ZNF730: variants seen among roughly 807,000 people sequenced by gnomAD.
ZNF730 encodes the protein zinc finger protein 730, also known as putative zinc finger protein 730.
Under a neutral mutation model 12.6 loss-of-function variants are expected in ZNF730, and 12 were observed. The ratio of observed to expected loss-of-function variants is 0.95; its 90% CI spans 0.61 to 1.54. The LOEUF (loss-of-function observed/expected upper bound fraction) is 1.54. Among genes scored for constraint, ZNF730 ranks in the 40% most tolerant of loss-of-function variants. The pLI, the probability that ZNF730 is intolerant of heterozygous loss-of-function variation, is 0.00. For missense variants in ZNF730, 643 were observed against 583.5 expected (o/e 1.10, Z -1.05); for synonymous variants, 194 against 195.8 (o/e 0.99, Z 0.08).
At chr19:23,128,108 A>G in intron 1 of ZNF730, 1 of 864,038 alleles carries the variant, frequency 1.2e-6, no homozygotes, top group East Asian at 2.4e-5. Flanking sequence ...TGCTATTTGG[A>G]TGTAGGCCTT....
chr19:23,089,123 C>T (rs148881785), intron 1 of ZNF730, among the ~76,000 whole-genome samples: 3 of 152,168 alleles, frequency 2.0e-5, no homozygotes, highest in African/African-American at 4.8e-5. Flanking sequence ...CCACCTGGCT[C>T]GACCTCCCAA....
At chr19:23,085,597 A>C (rs1599566943) in intron 1 of ZNF730, among the ~76,000 whole-genome samples, 1 of 117,500 alleles carries the variant, frequency 8.5e-6, no homozygotes, top group African/African-American at 3.3e-5. Flanking sequence ...TGCAACTTCC[A>C]CCTCCCAGAT....
chr19:23,115,881 T>A (rs184072096), upstream of ZNF730, among the ~76,000 whole-genome samples: 2 of 152,250 alleles, frequency 1.3e-5, no homozygotes, highest in Non-Finnish European at 2.9e-5. Flanking sequence ...AACTAATACA[T>A]GCACCCAGTG....
chr19:23,132,102 T>A (rs140737347), intron 1 of ZNF730, among the ~76,000 whole-genome samples: 203 of 145,356 alleles, frequency 1.4e-3, no homozygotes, highest in African/African-American at 5.0e-3. Context: ...TTTACATCTG[T>A]GGAGCAGCTT....
At chr19:23,098,357 C>T (rs891639658) in intron 1 of ZNF730, 2 of 152,166 alleles carry the variant, frequency 1.3e-5, no homozygotes, top group Admixed American at 6.5e-5. Context: ...GAATCCTCTT[C>T]TTCCCAGATC....
In ZNF730 at chr19:23,146,087, C is replaced by G; in HGVS notation, c.1043C>G (p.Ala348Gly). Residue 348 changes from alanine (A) to glycine (G), a missense_variant, in exon 4 of 4, where the codon GCT becomes GGT. Coordinates refer to ENST00000597761, the MANE Select transcript of ZNF730 (RefSeq NM_001277403.2). The stretch of plus-strand genomic sequence containing the variant: ...TACAAATGTGAAGAATGTGGCAAAG[C>G]TTTTAACCGATCCTCAACCCTTAAT... ...KPYKCEECGK[A>G]FNRSSTLNRH... is the part of the protein sequence containing the mutation. The G allele has an allele frequency of 6.2e-7, 1 of 1,612,326 alleles. No individual in the cohort carries two copies. The highest frequency in any genetic ancestry group is 8.5e-7 in the Non-Finnish European group (1 of 1,179,484).
chr19:23,078,968 C>T lies in ZNF730; in HGVS notation c.-94+3581C>T, dbSNP rs556420971. On this transcript the variant is annotated intron_variant, in intron 1 of 2. Coordinates refer to the ZNF730 transcript ENST00000593635. The stretch of plus-strand genomic sequence containing the variant: ...TACAGGCATGTGCCATCATGCCTGG[C>T]TAATTTCTGTATTTTTAGTAGAGAT... Among the ~76,000 whole-genome samples the T allele has an allele frequency of 2.4e-3, 366 of 152,028 alleles. 2 individuals carry two copies. Among genetic ancestry groups the T allele is most frequent in the Non-Finnish European group, 4.5e-3 (304 of 67,986 alleles).
At chr19:23,075,243 A>C (rs1409124723) in exon 1 of ZNF730, 1 of 152,120 alleles carries the variant, frequency 6.6e-6, no homozygotes, top group Non-Finnish European at 1.5e-5. Flanking sequence ...AGAGCTTGGG[A>C]TCGGTCTTCA....
chr19:23,103,874 T>G (rs796939585), intron 1 of ZNF730, among the ~76,000 whole-genome samples: 13 of 152,316 alleles, frequency 8.5e-5, no homozygotes, highest in African/African-American at 2.9e-4. Flanking sequence ...ACCTGGACAT[T>G]TTGTTATTCA....
intron 3 of ZNF730, among the ~76,000 whole-genome samples, chr19:23,143,298 A>C (rs1970954951): frequency 6.6e-6 from 1 of 152,156 alleles, no homozygotes. Flanking sequence ...ATTAACTTCA[A>C]CTGAATAAAA....
intron 1 of ZNF730, chr19:23,128,262 C>T: frequency 1.4e-6 from 1 of 703,050 alleles, no homozygotes; most frequent in Non-Finnish European, 2.6e-6. Context: ...ACCAGAAGTA[C>T]ATCATAGGCC....
intron 1 of ZNF730, among the ~76,000 whole-genome samples, chr19:23,102,485 TTTTTTA>T (rs1970346343): frequency 1.3e-5 from 2 of 152,016 alleles, no homozygotes; most frequent in African/African-American, 4.8e-5. Flanking sequence ...TCCTTTTTTT[TTTTTTA>T]TTTTATTTAT....
At chr19:23,116,475 C>T (rs979177879), upstream of ZNF730, among the ~76,000 whole-genome samples, 3 of 151,156 alleles carry the variant, frequency 2.0e-5, no homozygotes, top group South Asian at 2.1e-4. Context: ...GGTACGATCT[C>T]GGCTCATTGC....
intron 1 of ZNF730, among the ~76,000 whole-genome samples, chr19:23,081,567 G>T (rs996070426): frequency 2.6e-5 from 4 of 151,978 alleles, no homozygotes; most frequent in African/African-American, 9.7e-5. Context: ...TGATCCACCC[G>T]CCTCGGCTTC....
intron 3 of ZNF730, among the ~76,000 whole-genome samples, chr19:23,143,208 G>T (rs1403786418): frequency 2.6e-5 from 4 of 151,972 alleles, no homozygotes; most frequent in Non-Finnish European, 5.9e-5. Flanking sequence ...TAGTGCCACT[G>T]CACTCCAGCC....
At chr19:23,117,372 C>T (rs1970543820) in intron 1 of ZNF730, among the ~76,000 whole-genome samples, 196 bp downstream of exon 1, 5 of 152,194 alleles carry the variant, frequency 3.3e-5, no homozygotes, top group Non-Finnish European at 7.3e-5. Context: ...GGCGTCCTGT[C>T]TCTTCCCTGC....
At position 23,145,617 on chromosome 19, in the gene ZNF730, TAAA is replaced by T; in HGVS notation, c.578_580del (p.Lys193del). 1.9e-6 allele frequency: 3 copies of T among 1,546,652 alleles called. No individual in the cohort carries two copies. The highest frequency in any genetic ancestry group is 2.6e-6 in the Non-Finnish European group (3 of 1,147,942). Reference sequence around the variant, plus strand: ...GCATTCTTTCACACTTAGCTCAACATAAAAAAATTCATACTGGAGAGAAATCCT... The same window carrying T: ...GCATTCTTTCACACTTAGCTCAACATAAAATTCATACTGGAGAGAAATCCT... On this transcript the variant is annotated inframe_deletion, in exon 4 of 4. Transcript: ENST00000597761.
chr19:23,128,293 C>G (rs1475618586), intron 1 of ZNF730: 3 of 674,836 alleles, frequency 4.4e-6, no homozygotes, highest in Non-Finnish European at 8.2e-6. Context: ...AGATTACATG[C>G]ACTACTTAAT....
intron 1 of ZNF730, among the ~76,000 whole-genome samples, chr19:23,107,987 C>T (rs753872307): frequency 2.0e-5 from 3 of 151,954 alleles, no homozygotes; most frequent in Non-Finnish European, 2.9e-5. Context: ...CGCCGAGGCA[C>T]CTAGCACAGT....
Sources: gnomAD v4.1 joint callset for allele counts (sites outside exome capture counted in the v4.1 genomes callset) on GRCh38, gnomAD v4.1.1 for gene constraint, MANE v1.5 for transcripts, NCBI Gene and HGNC (gene_info 2026-07-23, HGNC 2026-07-21) for gene names.